Variants in GALNTL6 observed in about 807,000 individuals in gnomAD.
GALNTL6 encodes polypeptide N-acetylgalactosaminyltransferase like 6, also known as polypeptide N-acetylgalactosaminyltransferase-like 6.
A neutral mutation model predicts 73.7 loss-of-function variants in GALNTL6; 46 were observed. The ratio of observed to expected loss-of-function variants is 0.62; its 90% CI spans 0.49 to 0.80. The LOEUF (loss-of-function observed/expected upper bound fraction) is 0.80. Ranked by LOEUF, GALNTL6 falls within the 30% of genes least tolerant of loss-of-function variation. The pLI, the probability that GALNTL6 is intolerant of heterozygous loss-of-function variation, is 0.00. For synonymous variants in GALNTL6, 259 were observed against 263.7 expected (o/e 0.98, Z 0.17); for missense variants, 604 against 755.0 (o/e 0.80, Z 2.34).
intron 12 of GALNTL6, among the ~76,000 whole-genome samples, chr4:173,026,746 T>C (rs1175169965): frequency 6.6e-6 from 1 of 152,236 alleles, no homozygotes; most frequent in Non-Finnish European, 1.5e-5. Flanking sequence ...GGATTTTTTC[T>C]ATATATAAGT....
intron 2 of GALNTL6, among the ~76,000 whole-genome samples, chr4:172,215,466 C>A (rs935426436): frequency 1.3e-5 from 2 of 152,078 alleles, no homozygotes; most frequent in African/African-American, 4.8e-5. Context: ...GGAGAACTAA[C>A]CAGTTTATCA....
intron 2 of GALNTL6, among the ~76,000 whole-genome samples, chr4:172,153,097 C>T (rs115039907): frequency 0.048 from 7,309 of 152,244 alleles, 378 homozygotes; most frequent in Admixed American, 0.16. Flanking sequence ...AGTTCACATC[C>T]GCTTATTGAC....
chr4:172,849,619 T>C (rs529562705), intron 7 of GALNTL6, among the ~76,000 whole-genome samples: 11 of 152,318 alleles, frequency 7.2e-5, no homozygotes, highest in Admixed American at 6.5e-4. Flanking sequence ...AGTGAATGTG[T>C]TGAACAAGCC....
intron 5 of GALNTL6, among the ~76,000 whole-genome samples, chr4:172,686,306 G>A (rs368056912): frequency 2.6e-5 from 4 of 152,062 alleles, no homozygotes; most frequent in South Asian, 2.1e-4. Flanking sequence ...GACCTGAGCA[G>A]AGCCTCAGAC....
chr4:172,961,914 G>C (rs1480309655), intron 10 of GALNTL6, among the ~76,000 whole-genome samples: 1 of 152,230 alleles, frequency 6.6e-6, no homozygotes, highest in Non-Finnish European at 1.5e-5. Flanking sequence ...GCATGTCTGT[G>C]TGAAGAGACC....
intron 2 of GALNTL6, among the ~76,000 whole-genome samples, chr4:172,179,182 G>T (rs1481845352): frequency 2.0e-5 from 3 of 148,394 alleles, no homozygotes; most frequent in East Asian, 2.0e-4. Flanking sequence ...GTAATGGGAT[G>T]GCTGGGTCAA....
At chr4:172,082,942 C>CT (rs1475985687) in intron 2 of GALNTL6, among the ~76,000 whole-genome samples, 1 of 152,062 alleles carries the variant, frequency 6.6e-6, no homozygotes, top group Non-Finnish European at 1.5e-5. Context: ...GTTTGTACTT[C>CT]TTTTTTGGTG....
At chr4:172,634,513 C>G (rs944702582) in intron 5 of GALNTL6, among the ~76,000 whole-genome samples, 1 of 152,096 alleles carries the variant, frequency 6.6e-6, no homozygotes, top group Non-Finnish European at 1.5e-5. Context: ...GTTTTCATTT[C>G]TTCTTATTTC....
Position 172,882,855 on chromosome 4 carries a change from A to C in GALNTL6, c.989A>C (p.Tyr330Ser). ...DRKWFWELGG[Y>S]DPGLEIWGGE... ...AAATGGTTTTGGGAATTGGGTGGCT[A>C]TGATCCAGGTTTAGAAATCTGGGGA... Residue 330 changes from tyrosine to serine, a missense_variant, in exon 8 of 13, where the codon TAT becomes TCT. Transcript: ENST00000506823. 1 of 1,612,894 alleles carries C rather than the reference A, an allele frequency of 6.2e-7. No homozygotes were observed. Among genetic ancestry groups the C allele is most frequent in the Non-Finnish European group, 8.5e-7 (1 of 1,179,036 alleles).
intron 10 of GALNTL6, among the ~76,000 whole-genome samples, chr4:172,998,846 T>C (rs565342315): frequency 6.6e-6 from 1 of 152,276 alleles, no homozygotes; most frequent in African/African-American, 2.4e-5. Flanking sequence ...CCCTCAATCT[T>C]CTCAAATTCA....
chr4:172,178,980 T>C (rs1315935244), intron 2 of GALNTL6, among the ~76,000 whole-genome samples: 3 of 116,370 alleles, frequency 2.6e-5, no homozygotes, highest in Non-Finnish European at 5.2e-5. Flanking sequence ...ACAAAGGACA[T>C]GAACTCATCA....
chr4:172,267,274 T>C (rs1738481321), intron 3 of GALNTL6, among the ~76,000 whole-genome samples: 1 of 152,086 alleles, frequency 6.6e-6, no homozygotes, highest in African/African-American at 2.4e-5. Context: ...AGGATTCTTC[T>C]AGGAAGTACC....
At chr4:172,091,594 T>C (rs1732203525) in intron 2 of GALNTL6, among the ~76,000 whole-genome samples, 1 of 152,154 alleles carries the variant, frequency 6.6e-6, no homozygotes, top group South Asian at 2.1e-4. Context: ...TCTGATAACA[T>C]GACGTTCCAG....
intron 5 of GALNTL6, among the ~76,000 whole-genome samples, chr4:172,395,186 G>T (rs1251988849): frequency 6.6e-6 from 1 of 152,054 alleles, no homozygotes; most frequent in Non-Finnish European, 1.5e-5. Flanking sequence ...CCATTCCTTA[G>T]TCAAGAGTTA....
chr4:172,810,000 C>T lies in GALNTL6; in HGVS notation c.739+454C>T, dbSNP rs1345412396. 6.6e-6 allele frequency among the ~76,000 whole-genome samples: 1 copy of T among 151,744 alleles called. No individual in the cohort carries two copies. Among genetic ancestry groups the T allele is most frequent in the East Asian group, 1.9e-4 (1 of 5,162 alleles). Reference sequence around the variant, plus strand: ...TAAGAAAAGAGGAAGGAAAATTATTCATCCCCAGAATACAGTTAAAGTAGA... The same window carrying T: ...TAAGAAAAGAGGAAGGAAAATTATTTATCCCCAGAATACAGTTAAAGTAGA... On this transcript the variant is annotated intron_variant, in intron 6 of 12. Coordinates refer to ENST00000506823, the MANE Select transcript of GALNTL6 (RefSeq NM_001034845.3). This position sits in a 1 kb window ranked among gnomAD's most constrained non-coding sequence, Gnocchi z 4.4.
intron 10 of GALNTL6, among the ~76,000 whole-genome samples, chr4:172,991,574 G>A (rs940603380): frequency 6.6e-6 from 1 of 150,624 alleles, no homozygotes; most frequent in Admixed American, 6.7e-5. Flanking sequence ...TAATTTTTGT[G>A]TTGTTTTTTT....
chr4:172,314,100 G>A (rs1020655434), intron 4 of GALNTL6, among the ~76,000 whole-genome samples: 3 of 152,164 alleles, frequency 2.0e-5, no homozygotes, highest in South Asian at 2.1e-4. Context: ...GCAGCTCTGT[G>A]TAAGTGATCT....
At chr4:172,276,473 A>G (rs1415085412) in intron 3 of GALNTL6, among the ~76,000 whole-genome samples, 1 of 152,218 alleles carries the variant, frequency 6.6e-6, no homozygotes, top group Non-Finnish European at 1.5e-5. Context: ...CCCAGCACTT[A>G]ACATTCATCA....
rs902356240 is a variant in GALNTL6, at chr4:172,561,229, C to T, written c.553+212540C>T. Among the ~76,000 whole-genome samples, 36 of 128,474 alleles carry T rather than the reference C, an allele frequency of 2.8e-4. No individual in the cohort carries two copies. The Admixed American group carries it at 2.9e-3, about 10-fold the overall frequency. 84.3% of individuals were successfully genotyped at this position (128,474 alleles called of 152,430 possible). On this transcript the variant is annotated intron_variant, in intron 5 of 12. Transcript: ENST00000506823. ...GATTGCGCCACTGCAGTCCGCAGTC[C>T]GGCCTGGGCGACAGAGAGAGACTCC...
Sources: allele counts gnomAD v4.1 joint callset (sites outside exome capture counted in the v4.1 genomes callset), GRCh38; gene constraint gnomAD v4.1.1; non-coding constraint Gnocchi (gnomAD v3.1); transcripts MANE v1.5; gene names NCBI Gene and HGNC (gene_info 2026-07-23, HGNC 2026-07-21).